The following KLHDC4 variants were observed in gnomAD, a reference collection of about 807,000 sequenced individuals.
The protein encoded by KLHDC4 is kelch domain containing 4.
In KLHDC4, 90 loss-of-function variants were observed where a neutral mutation model predicts 62.4. The observed-to-expected ratio is 1.44, with a 90% CI of 1.22 to 1.72. The LOEUF is 1.72. Among genes scored for constraint, KLHDC4 ranks in the 40% most tolerant of loss-of-function variants. KLHDC4 has a pLI of 0.00. For missense variants in KLHDC4, 1,025 were observed against 699.7 expected (o/e 1.47, Z -5.25); for synonymous variants, 386 against 284.4 (o/e 1.36, Z -3.59).
At chr16:87,754,062 C>G (rs1383126934) in intron 4 of KLHDC4, among the ~76,000 whole-genome samples, 2 of 150,034 alleles carry the variant, frequency 1.3e-5, no homozygotes, top group Non-Finnish European at 3.0e-5. Context: ...ATCCCTTGAA[C>G]CCAGGAGGCG....
chr16:87,725,822 G>T (rs1487126763), intron 7 of KLHDC4, among the ~76,000 whole-genome samples: 1 of 152,126 alleles, frequency 6.6e-6, no homozygotes, highest in Non-Finnish European at 1.5e-5. Flanking sequence ...CTCCGGGGTG[G>T]GCGCGAGAAC....
At chr16:87,721,148 T>C (rs140035224) in intron 7 of KLHDC4, among the ~76,000 whole-genome samples, 3,005 of 152,252 alleles carry the variant, frequency 0.02, 99 homozygotes, top group African/African-American at 0.069. Flanking sequence ...AGGCCGGGCA[T>C]AGTGGCTCAT....
chr16:87,754,687 C>T (rs528710497), intron 4 of KLHDC4, among the ~76,000 whole-genome samples: 23 of 152,192 alleles, frequency 1.5e-4, no homozygotes, highest in South Asian at 6.2e-4. Flanking sequence ...GCTTACAGAA[C>T]GTCTAACTCC....
rs560890462 is a variant in KLHDC4 at position 87,722,690 on chromosome 16, G to C, written c.759+4075C>G. Among the ~76,000 whole-genome samples the C allele has an allele frequency of 2.0e-5, 3 of 152,346 alleles. No homozygotes were observed. The South Asian group carries it at 6.2e-4, about 32-fold the overall frequency. On this transcript the variant is annotated intron_variant, in intron 7 of 11. Coordinates refer to ENST00000270583, the MANE Select transcript of KLHDC4 (RefSeq NM_017566.4). ...AGGACACGCAGGGGGATGGAAACTG[G>C]GGCCGCCCTGCTGAGACGAGGACCA...
intron 5 of KLHDC4, among the ~76,000 whole-genome samples, chr16:87,738,225 G>A (rs577208998): frequency 3.2e-4 from 49 of 152,226 alleles, no homozygotes; most frequent in African/African-American, 1.1e-3. Context: ...GTAAAGTAAC[G>A]GAATCATCCT....
At chr16:87,739,169 A>T (rs1182999421) in intron 5 of KLHDC4, among the ~76,000 whole-genome samples, 3 of 135,602 alleles carry the variant, frequency 2.2e-5, no homozygotes. Flanking sequence ...TCATCCATCC[A>T]CACACCAGCA....
At chr16:87,709,020 C>T (rs1284803031) in intron 10 of KLHDC4, among the ~76,000 whole-genome samples, 2 of 152,246 alleles carry the variant, frequency 1.3e-5, no homozygotes, top group African/African-American at 4.8e-5. Flanking sequence ...CACCCGTGTC[C>T]TGTGCCGCCA....
intron 8 of KLHDC4, 68 bp downstream of exon 8, chr16:87,714,430 G>A: frequency 1.3e-6 from 2 of 1,580,540 alleles, no homozygotes; most frequent in Non-Finnish European, 1.7e-6. Context: ...TCCATGGGAG[G>A]GTGTGGGCTC....
chr16:87,726,795 G>T lies in KLHDC4; in HGVS notation c.729C>A (p.Gly243=), dbSNP rs902004538. 9 of 1,601,916 alleles carry T rather than the reference G, an allele frequency of 5.6e-6. No homozygotes were observed. The highest frequency in any genetic ancestry group is 7.7e-6 in the Non-Finnish European group (9 of 1,175,562). The change falls in exon 7 of 12, where the codon GGC becomes GGA. Residue 243 remains glycine (G), a synonymous_variant. Coordinates refer to ENST00000270583, the MANE Select transcript of KLHDC4 (RefSeq NM_017566.4). ...TCGAGTAGCCCCCATAGACGACGAT[G>T]CCGCCCTGGGGAGTGACGGACATCT... ...GCQMSVTPQG[G]IVVYGGYSKQ...
chr16:87,709,744 G>A, intron 9 of KLHDC4, 77 bp from the exon 10 acceptor site: 5 of 1,452,014 alleles, frequency 3.4e-6, no homozygotes, highest in Non-Finnish European at 4.6e-6. Flanking sequence ...CACAAGGCCA[G>A]GCAAGGGTTT....
intron 5 of KLHDC4, chr16:87,739,899 C>G (rs1016362291): frequency 1.3e-5 from 2 of 152,262 alleles, no homozygotes; most frequent in Non-Finnish European, 2.9e-5. Context: ...AACTTTAGAT[C>G]ATGGTGTTGG....
At position 87,708,358 on chromosome 16, in the gene KLHDC4, T is replaced by G. The variant is rs1335877299; in HGVS notation, c.1556A>C (p.Glu519Ala). Reference sequence around the variant, plus strand: ...AGCCCGAGCCCGCTCACCTCAGTCCTCCGCACCGCTCTCCTCTCCGCTGTC... The same window carrying G: ...AGCCCGAGCCCGCTCACCTCAGTCCGCCGCACCGCTCTCCTCTCCGCTGTC... The part of the protein sequence containing the change: ...DEDSGEESGA[E>A]D Residue 519 changes from glutamate (E) to alanine (A), a missense_variant, in exon 11 of 12, where the codon GAG (glutamate) becomes GCG (alanine). Physicochemically the swap from Glu to Ala is moderately radical, Grantham distance 107. Coordinates refer to ENST00000270583, the MANE Select transcript of KLHDC4 (RefSeq NM_017566.4). 1.9e-6 allele frequency: 3 copies of G among 1,603,146 alleles called. No individual in the cohort carries two copies. In the African/African-American group the frequency reaches 4.0e-5, roughly 21 times the overall value.
downstream of KLHDC4, among the ~76,000 whole-genome samples, chr16:87,704,872 G>A (rs891263959): frequency 3.9e-5 from 6 of 152,114 alleles, no homozygotes; most frequent in Non-Finnish European, 5.9e-5. Context: ...AAAAGCCACC[G>A]CTCATGGCCA....
intron 5 of KLHDC4, among the ~76,000 whole-genome samples, chr16:87,743,812 T>A (rs1363909801): frequency 1.3e-5 from 2 of 152,146 alleles, no homozygotes; most frequent in Non-Finnish European, 2.9e-5. Flanking sequence ...AGGTCAGGAT[T>A]TGACACTCTT....
intron 3 of KLHDC4, 97 bp from the exon 4 acceptor site, chr16:87,755,389 C>T: frequency 1.5e-6 from 1 of 679,586 alleles, no homozygotes; most frequent in Non-Finnish European, 2.6e-6. Flanking sequence ...GGGAAACTGA[C>T]ATGCTAAAGG....
rs533089015 is a variant in KLHDC4 at position 87,725,595 on chromosome 16, A to T, written c.759+1170T>A. On this transcript the variant is annotated intron_variant, in intron 7 of 11. Transcript: ENST00000270583. The stretch of plus-strand genomic sequence containing the variant: ...GGATTTTTTAAACCCCTACAGTGAG[A>T]TACTACTTCATACCTCTCAGATTCA... Among the ~76,000 whole-genome samples the T allele has an allele frequency of 2.0e-5, 3 of 152,338 alleles. No individual in the cohort carries two copies. The East Asian group carries it at 5.8e-4, about 29-fold the overall frequency.
chr16:87,713,657 G>C (rs1275675524), intron 8 of KLHDC4, among the ~76,000 whole-genome samples: 2 of 152,034 alleles, frequency 1.3e-5, no homozygotes, highest in African/African-American at 4.8e-5. Context: ...GCCGCCAACA[G>C]TTCATCTCAG....
At chr16:87,736,528 C>A (rs2041344413) in intron 5 of KLHDC4, among the ~76,000 whole-genome samples, 1 of 152,150 alleles carries the variant, frequency 6.6e-6, no homozygotes, top group African/African-American at 2.4e-5. Context: ...CGTGTGCATG[C>A]ACCTCCCCTA....
chr16:87,752,664 A>G (rs1297143469), intron 4 of KLHDC4, among the ~76,000 whole-genome samples: 1 of 152,006 alleles, frequency 6.6e-6, no homozygotes. Context: ...CCTTTCCTCC[A>G]TCTTAGTTAC....
Sources: gnomAD v4.1 joint callset for allele counts (sites outside exome capture counted in the v4.1 genomes callset) on GRCh38, gnomAD v4.1.1 for gene constraint, MANE v1.5 for transcripts, NCBI Gene and HGNC (gene_info 2026-07-23, HGNC 2026-07-21) for gene names.